USH2A: variants seen among roughly 807,000 people sequenced by gnomAD.
USH2A encodes usherin, also known as Usher syndrome 2A (autosomal recessive, mild).
USH2A carries 443 observed loss-of-function variants against 538.9 expected under a neutral mutation model. The observed-to-expected ratio is 0.82, with a 90% CI of 0.76 to 0.89. USH2A has a LOEUF of 0.89. USH2A is among the 40% of genes least tolerant of loss of function. The pLI is 0.00. For missense variants in USH2A, 6,633 were observed against 6,324.8 expected, an observed-to-expected ratio of 1.05 and a Z score of -1.65; for synonymous variants, 2,413 against 2,273.5, an observed-to-expected ratio of 1.06 and a Z score of -1.75.
At chr1:215,764,977 TAA>T (rs1046687100) in intron 56 of USH2A, among the ~76,000 whole-genome samples, 5 of 143,838 alleles carry the variant, frequency 3.5e-5, no homozygotes, top group African/African-American at 7.6e-5. Flanking sequence ...TACATAAAGT[TAA>T]AAAAAAAAAA....
At chr1:216,416,796 A>T (rs1253823379) in intron 3 of USH2A, among the ~76,000 whole-genome samples, 1 of 140,654 alleles carries the variant, frequency 7.1e-6, no homozygotes, top group African/African-American at 2.8e-5. Context: ...AGTTTCACAG[A>T]TAACACAAAA....
intron 3 of USH2A, among the ~76,000 whole-genome samples, chr1:216,370,803 G>C (rs2102717542): frequency 6.6e-6 from 1 of 151,556 alleles, no homozygotes; most frequent in South Asian, 2.1e-4. Context: ...TGAAGTAACA[G>C]TCAGTTTGTC....
At chr1:216,241,320 G>A (rs964340343) in intron 13 of USH2A, among the ~76,000 whole-genome samples, 2 of 152,072 alleles carry the variant, frequency 1.3e-5, no homozygotes, top group Non-Finnish European at 2.9e-5. Context: ...CTCTAAGCAC[G>A]GAAATTCCTA....
intron 12 of USH2A, among the ~76,000 whole-genome samples, chr1:216,249,419 G>A (rs1026509568): frequency 4.6e-5 from 7 of 152,050 alleles, no homozygotes; most frequent in Admixed American, 2.0e-4. Flanking sequence ...TTATTTCACT[G>A]TCTTTAAAGG....
chr1:216,048,671 G>A (rs759449115), intron 30 of USH2A, 24 bp from the exon 31 acceptor site: 8 of 1,587,396 alleles, frequency 5.0e-6, no homozygotes, highest in Non-Finnish European at 6.0e-6. Flanking sequence ...GGACAAAAGA[G>A]GGTTGCGTGT....
At chr1:215,742,039 T>A (rs1489943895) in intron 59 of USH2A, among the ~76,000 whole-genome samples, 1 of 152,190 alleles carries the variant, frequency 6.6e-6, no homozygotes, top group East Asian at 1.9e-4. Flanking sequence ...ATGCAGACGT[T>A]GACTTTGTAC....
At position 215,791,066 on chromosome 1, in the gene USH2A, A is replaced by G. The variant is rs1661969547; in HGVS notation, c.9959-784T>C. Reference sequence around the variant, plus strand: ...AGATACCAAATAGACATTTTCTCCCACCAAATTTAGTTTAATTACCTGCAT... The same window carrying G: ...AGATACCAAATAGACATTTTCTCCCGCCAAATTTAGTTTAATTACCTGCAT... On this transcript the variant is annotated intron_variant, in intron 50 of 71. Coordinates refer to ENST00000307340, the MANE Select transcript of USH2A (RefSeq NM_206933.4). 2.0e-5 allele frequency among the ~76,000 whole-genome samples: 3 copies of G among 152,182 alleles called. No individual in the cohort carries two copies. The South Asian group carries it at 6.2e-4, about 32-fold the overall frequency.
rs541541018 is a variant in USH2A at position 215,628,324 on chromosome 1, C to T, written c.15519+490G>A. On this transcript the variant is annotated intron_variant, in intron 71 of 71. Transcript: ENST00000307340. Reference sequence around the variant, plus strand: ...TATTTTGAGATGGAGTCTCTGTCACCCAGGCTGGAGTGCAGTGGCGCGGTC... The same window carrying T: ...TATTTTGAGATGGAGTCTCTGTCACTCAGGCTGGAGTGCAGTGGCGCGGTC... Among the ~76,000 whole-genome samples the T allele has an allele frequency of 5.9e-5, 9 of 152,108 alleles. No homozygotes were observed. The East Asian group carries it at 1.7e-3, about 29-fold the overall frequency.
chr1:216,365,300 C>T (rs1043839727), intron 3 of USH2A, among the ~76,000 whole-genome samples: 9 of 151,964 alleles, frequency 5.9e-5, no homozygotes, highest in African/African-American at 1.5e-4. Context: ...TGATATCTCC[C>T]AGGGTGTTCA....
At chr1:216,349,744 A>G (rs1286591592) in intron 4 of USH2A, among the ~76,000 whole-genome samples, 6 of 152,174 alleles carry the variant, frequency 3.9e-5, no homozygotes, top group Non-Finnish European at 8.8e-5. Flanking sequence ...TATAATCAAG[A>G]AAAAACCATA....
chr1:216,221,266 T>C (rs2035453105), intron 14 of USH2A, among the ~76,000 whole-genome samples: 1 of 152,184 alleles, frequency 6.6e-6, no homozygotes, highest in African/African-American at 2.4e-5. Flanking sequence ...TGGACAGTTT[T>C]CTTTAAGAGC....
At chr1:216,398,258 A>T (rs1267271579) in intron 3 of USH2A, among the ~76,000 whole-genome samples, 2 of 152,146 alleles carry the variant, frequency 1.3e-5, no homozygotes, top group African/African-American at 4.8e-5. Flanking sequence ...AACAAAACAA[A>T]TAAGTGTAAG....
intron 44 of USH2A, among the ~76,000 whole-genome samples, chr1:215,863,968 T>G (rs1664399598): frequency 6.6e-6 from 1 of 152,140 alleles, no homozygotes; most frequent in Non-Finnish European, 1.5e-5. Flanking sequence ...TGATGATTTT[T>G]CATTTCCTCT....
chr1:216,068,878 C>T (rs1425605047), intron 30 of USH2A, among the ~76,000 whole-genome samples: 3 of 152,084 alleles, frequency 2.0e-5, no homozygotes, highest in Non-Finnish European at 4.4e-5. Flanking sequence ...TTAATATGTA[C>T]ATTTGGTAGT....
intron 62 of USH2A, among the ~76,000 whole-genome samples, chr1:215,676,899 T>C (rs977592575): frequency 1.3e-5 from 2 of 152,194 alleles, no homozygotes; most frequent in African/African-American, 4.8e-5. Flanking sequence ...CACCCAAACA[T>C]TTTTATTGGT....
chr1:215,694,659 T>C (rs1658742880), intron 61 of USH2A, among the ~76,000 whole-genome samples: 1 of 152,236 alleles, frequency 6.6e-6, no homozygotes, highest in South Asian at 2.1e-4. Flanking sequence ...GGTTTGAATT[T>C]ACTCACAGGT....
At chr1:215,634,141 C>G (rs1303883495) in intron 70 of USH2A, among the ~76,000 whole-genome samples, 1 of 152,210 alleles carries the variant, frequency 6.6e-6, no homozygotes, top group Non-Finnish European at 1.5e-5. Flanking sequence ...AGATACTCAT[C>G]CCTAGTTACA....
intron 3 of USH2A, among the ~76,000 whole-genome samples, chr1:216,410,427 A>G (rs1255279140): frequency 3.3e-5 from 5 of 152,132 alleles, no homozygotes; most frequent in Non-Finnish European, 7.4e-5. Flanking sequence ...CACTGTTCAC[A>G]ATAGCAAAGA....
intron 21 of USH2A, among the ~76,000 whole-genome samples, chr1:216,141,346 G>A (rs2033598984): frequency 6.6e-6 from 1 of 152,136 alleles, no homozygotes; most frequent in Non-Finnish European, 1.5e-5. Context: ...AGGTGCTGTG[G>A]GCTCCCTGGG....
Sources: allele counts gnomAD v4.1 joint callset (sites outside exome capture counted in the v4.1 genomes callset), GRCh38; gene constraint gnomAD v4.1.1; transcripts MANE v1.5; gene names NCBI Gene and HGNC (gene_info 2026-07-23, HGNC 2026-07-21).